MAPKAP1: variants seen among roughly 807,000 people sequenced by gnomAD.
MAPKAP1 encodes the protein MAPK associated protein 1.
In MAPKAP1, 20 loss-of-function variants were observed where a neutral mutation model predicts 65.7. The observed-to-expected ratio is 0.30, with a 90% CI of 0.21 to 0.44. The LOEUF (loss-of-function observed/expected upper bound fraction) is 0.44. Among genes scored for constraint, MAPKAP1 ranks in the 20% least tolerant of loss-of-function variants. The probability of loss-of-function intolerance (pLI) is 1.00; values close to 1 mark genes in which losing one functional copy is unlikely to be tolerated. For missense variants in MAPKAP1, 423 were observed against 648.0 expected (o/e 0.65, Z 3.77); for synonymous variants, 222 against 244.3 (o/e 0.91, Z 0.85).
intron 4 of MAPKAP1, among the ~76,000 whole-genome samples, chr9:125,646,189 G>A (rs1255506786): frequency 6.6e-6 from 1 of 152,092 alleles, no homozygotes; most frequent in African/African-American, 2.4e-5. Context: ...GAAAAGACTA[G>A]AGATCTTAGT....
chr9:125,679,188 G>A (rs567643582), intron 1 of MAPKAP1, among the ~76,000 whole-genome samples: 2 of 152,130 alleles, frequency 1.3e-5, no homozygotes, highest in Non-Finnish European at 2.9e-5. Context: ...TTTTAGTAGA[G>A]ACAGGGTTTC....
intron 8 of MAPKAP1, among the ~76,000 whole-genome samples, chr9:125,498,658 AC>A (rs1299601226): frequency 6.6e-6 from 1 of 152,240 alleles, no homozygotes; most frequent in Non-Finnish European, 1.5e-5. Flanking sequence ...TGAAAGAAAA[AC>A]TGAAAGGCTT....
intron 1 of MAPKAP1, among the ~76,000 whole-genome samples, chr9:125,696,656 A>G (rs920091843): frequency 6.6e-6 from 1 of 152,174 alleles, no homozygotes; most frequent in African/African-American, 2.4e-5. Context: ...GAAGCAGCCA[A>G]CAAACTTATG....
chr9:125,461,816 C>T (rs1564519274), intron 10 of MAPKAP1, among the ~76,000 whole-genome samples: 1 of 152,132 alleles, frequency 6.6e-6, no homozygotes, highest in African/African-American at 2.4e-5. Flanking sequence ...CTGGATCTCC[C>T]GGGAGTGGAC....
At chr9:125,549,879 C>T (rs145719596) in intron 6 of MAPKAP1, among the ~76,000 whole-genome samples, 117 of 152,290 alleles carry the variant, frequency 7.7e-4, no homozygotes, top group African/African-American at 2.6e-3. Context: ...TCTCCCTAAT[C>T]AAACTCAATT....
At chr9:125,558,239 G>T (rs540017710) in intron 6 of MAPKAP1, among the ~76,000 whole-genome samples, 1 of 152,112 alleles carries the variant, frequency 6.6e-6, no homozygotes, top group Non-Finnish European at 1.5e-5. Flanking sequence ...ATATACACAC[G>T]ATTATTATAC....
intron 7 of MAPKAP1, among the ~76,000 whole-genome samples, chr9:125,534,230 G>C (rs749136828): frequency 4.6e-5 from 7 of 152,086 alleles, no homozygotes; most frequent in Non-Finnish European, 8.8e-5. Context: ...ATGTATATCT[G>C]TATGTGAACT....
At chr9:125,664,847 A>G (rs1418361133) in intron 3 of MAPKAP1, among the ~76,000 whole-genome samples, 3 of 152,118 alleles carry the variant, frequency 2.0e-5, no homozygotes, top group African/African-American at 4.8e-5. Flanking sequence ...AGAGCAGAGT[A>G]GAAAGACTAT....
intron 9 of MAPKAP1, 48 bp from the exon 10 acceptor site, chr9:125,468,157 TGTAA>T: frequency 6.3e-7 from 1 of 1,585,098 alleles, no homozygotes; most frequent in Non-Finnish European, 8.6e-7. Context: ...AAGTAGAAGG[TGTAA>T]GTGATTTCAG....
chr9:125,479,385 G>C (rs568634184), intron 9 of MAPKAP1, among the ~76,000 whole-genome samples: 1 of 152,266 alleles, frequency 6.6e-6, no homozygotes, highest in South Asian at 2.1e-4. Context: ...TTCGAGACCA[G>C]CCTGACCAAC....
chr9:125,546,818 C>G (rs997958309), intron 6 of MAPKAP1, among the ~76,000 whole-genome samples: 6 of 152,016 alleles, frequency 3.9e-5, no homozygotes, highest in Non-Finnish European at 8.8e-5. Flanking sequence ...GATCAGCCCT[C>G]GGATGAACAG....
intron 5 of MAPKAP1, chr9:125,568,740 T>A (rs1359547224): frequency 6.5e-6 from 1 of 153,114 alleles, no homozygotes; most frequent in Non-Finnish European, 1.5e-5. Flanking sequence ...TGAAAAAAAA[T>A]AATTTTCCTT....
In MAPKAP1 at chr9:125,596,508, T is replaced by G. The variant is rs201892730; in HGVS notation, c.499-10781A>C. 40 of 735,050 alleles carry G rather than the reference T, an allele frequency of 5.4e-5. No homozygotes were observed. In the East Asian group the frequency reaches 6.7e-4, roughly 12 times the overall value. The allele number at this position is 735,050 out of a possible 1,614,324, so 45.5% of individuals were successfully genotyped here. A position where few individuals can be genotyped will look rare whatever the true frequency, so the allele number is the denominator to read the frequency against. On this transcript the variant is annotated intron_variant, in intron 4 of 11. Transcript: ENST00000265960. ...TTGAACCCATGATGAAAGGAAACTTTGGAGGCAGAAGCTCTGGCAGCTATG... is the reference window on the plus strand; with the variant it reads ...TTGAACCCATGATGAAAGGAAACTTGGGAGGCAGAAGCTCTGGCAGCTATG...
rs1191598449 is a variant in MAPKAP1, at chr9:125,439,994, A to G, written c.1444-982T>C. ...TTTGAGTGCGCAACGGGGAGGAGAG[A>G]CGCAGCATGCATCAAGGCACAGCAG... On this transcript the variant is annotated intron_variant, in intron 11 of 11. Coordinates refer to ENST00000265960, the MANE Select transcript of MAPKAP1 (RefSeq NM_001006617.3). The surrounding 1 kb of genome is among the most constrained non-coding windows in gnomAD (Gnocchi z 4.0). Among the ~76,000 whole-genome samples, 1 of 152,120 alleles carries G rather than the reference A, an allele frequency of 6.6e-6. No individual in the cohort carries two copies. Among genetic ancestry groups the G allele is most frequent in the Non-Finnish European group, 1.5e-5 (1 of 68,038 alleles).
intron 1 of MAPKAP1, among the ~76,000 whole-genome samples, chr9:125,691,447 C>A (rs940375712): frequency 6.6e-6 from 1 of 152,008 alleles, no homozygotes; most frequent in Non-Finnish European, 1.5e-5. Context: ...ACACAATGAG[C>A]GGGCTTCAGA....
At chr9:125,490,321 C>A (rs1854650579) in intron 8 of MAPKAP1, among the ~76,000 whole-genome samples, 1 of 152,148 alleles carries the variant, frequency 6.6e-6, no homozygotes, top group Non-Finnish European at 1.5e-5. Flanking sequence ...GGGTGGATCA[C>A]CTGAGGTCAA....
At chr9:125,677,084 G>C (rs1273296907) in intron 1 of MAPKAP1, among the ~76,000 whole-genome samples, 1 of 152,200 alleles carries the variant, frequency 6.6e-6, no homozygotes, top group Non-Finnish European at 1.5e-5. Flanking sequence ...CACAAATGCT[G>C]TCTCTTCAGG....
rs147889300 is a variant in MAPKAP1, at chr9:125,527,729, C to T, written c.958+15330G>A. Among the ~76,000 whole-genome samples, 519 of 152,258 alleles carry T rather than the reference C, an allele frequency of 3.4e-3. 10 individuals carry two copies. Among genetic ancestry groups the T allele is most frequent in the Non-Finnish European group, 9.7e-4 (66 of 68,028 alleles). On this transcript the variant is annotated intron_variant, in intron 7 of 11. Coordinates refer to ENST00000265960, the MANE Select transcript of MAPKAP1 (RefSeq NM_001006617.3). ...AACTTCCTCCTGCTGGGCACCCTTA[C>T]GTGACTATCAATGTTTAAAATGTCT...
intron 3 of MAPKAP1, among the ~76,000 whole-genome samples, chr9:125,667,041 C>A (rs975174231): frequency 3.9e-5 from 6 of 151,970 alleles, no homozygotes; most frequent in African/African-American, 1.5e-4. Flanking sequence ...ATCCGTGAGA[C>A]ACAGAAAAGA....
Sources: allele counts gnomAD v4.1 joint callset (sites outside exome capture counted in the v4.1 genomes callset), GRCh38; gene constraint gnomAD v4.1.1; non-coding constraint Gnocchi (gnomAD v3.1); transcripts MANE v1.5; gene names NCBI Gene and HGNC (gene_info 2026-07-23, HGNC 2026-07-21).